Variants in DCLK1 observed in about 807,000 individuals in gnomAD.
DCLK1 encodes serine/threonine-protein kinase DCLK1.
Under a neutral mutation model 86.2 loss-of-function variants are expected in DCLK1, and 16 were observed. The ratio of observed to expected loss-of-function variants is 0.19; its 90% CI spans 0.13 to 0.28. DCLK1 has a LOEUF of 0.28. Among genes scored for constraint, DCLK1 ranks in the 10% least tolerant of loss-of-function variants. The probability of loss-of-function intolerance (pLI) is 1.00; values close to 1 mark genes in which losing one functional copy is unlikely to be tolerated. For synonymous variants in DCLK1, 369 were observed against 370.5 expected (o/e 1.00, Z 0.05); for missense variants, 590 against 940.2 (o/e 0.63, Z 4.87).
chr13:35,980,556 A>G (rs937839484), intron 3 of DCLK1, among the ~76,000 whole-genome samples: 2 of 152,086 alleles, frequency 1.3e-5, no homozygotes, highest in Admixed American at 1.3e-4. Flanking sequence ...AGCCCCTTCT[A>G]CTTTCTGTCT....
intron 16 of DCLK1, among the ~76,000 whole-genome samples, chr13:35,786,091 C>T (rs919892287): frequency 6.6e-6 from 1 of 152,148 alleles, no homozygotes; most frequent in Non-Finnish European, 1.5e-5. Context: ...TGCTCCTGCC[C>T]ATTATTCAGG....
At chr13:36,002,457 T>A (rs1285408301) in intron 3 of DCLK1, among the ~76,000 whole-genome samples, 1 of 152,186 alleles carries the variant, frequency 6.6e-6, no homozygotes, top group Non-Finnish European at 1.5e-5. Context: ...TAACAACAGA[T>A]TTTCTTGGAG....
intron 3 of DCLK1, among the ~76,000 whole-genome samples, chr13:35,957,904 C>T (rs919903196): frequency 3.3e-4 from 6 of 18,028 alleles, no homozygotes; most frequent in East Asian, 1.5e-3. Flanking sequence ...TGATTATTAG[C>T]GTCACCACCA....
At chr13:35,847,647 GA>G (rs1455372837) in intron 6 of DCLK1, 88 of 939,478 alleles carry the variant, frequency 9.4e-5, no homozygotes, top group Non-Finnish European at 1.1e-4. Context: ...AAGAAAGAAA[GA>G]AAGAAAGAAA....
chr13:36,074,240 C>T (rs891166866), intron 3 of DCLK1, among the ~76,000 whole-genome samples: 6 of 151,972 alleles, frequency 3.9e-5, no homozygotes, highest in Non-Finnish European at 5.9e-5. Flanking sequence ...TGGTGGCTCA[C>T]GCCTGTAATC....
chr13:35,872,223 G>T (rs1244694456), intron 4 of DCLK1, among the ~76,000 whole-genome samples: 1 of 152,028 alleles, frequency 6.6e-6, no homozygotes, highest in East Asian at 1.9e-4. Flanking sequence ...AAAATATAAG[G>T]CATATTTTAA....
intron 3 of DCLK1, among the ~76,000 whole-genome samples, chr13:36,086,974 G>C (rs1361338101): frequency 6.6e-6 from 1 of 152,124 alleles, no homozygotes; most frequent in East Asian, 1.9e-4. Flanking sequence ...ATAATCCTTT[G>C]GGTATACACC....
At chr13:36,114,797 A>C (rs919555735) in intron 2 of DCLK1, among the ~76,000 whole-genome samples, 9 of 152,214 alleles carry the variant, frequency 5.9e-5, no homozygotes, top group Non-Finnish European at 1.2e-4. Flanking sequence ...GCTAATTATC[A>C]TCGATTATTA....
chr13:35,957,797 A>C (rs1878080945), intron 3 of DCLK1, among the ~76,000 whole-genome samples: 1 of 152,106 alleles, frequency 6.6e-6, no homozygotes, highest in African/African-American at 2.4e-5. Flanking sequence ...ATATAACTTG[A>C]GATTAAAAGG....
chr13:36,003,675 T>C (rs1157691075), intron 3 of DCLK1, among the ~76,000 whole-genome samples: 1 of 152,154 alleles, frequency 6.6e-6, no homozygotes, highest in East Asian at 1.9e-4. Context: ...GAATATTGAT[T>C]GAAAAACTAC....
chr13:35,938,177 C>T (rs941449690), intron 4 of DCLK1, among the ~76,000 whole-genome samples: 9 of 152,024 alleles, frequency 5.9e-5, no homozygotes, highest in African/African-American at 1.4e-4. Context: ...AAAGAAATAA[C>T]GGAGTTTACA....
At chr13:36,117,142 G>A (rs1237186988) in intron 2 of DCLK1, among the ~76,000 whole-genome samples, 1 of 150,200 alleles carries the variant, frequency 6.7e-6, no homozygotes, top group Non-Finnish European at 1.5e-5. Flanking sequence ...CAAATCCAAA[G>A]CAACAGAAAA....
chr13:36,060,947 C>A (rs1883521115), intron 3 of DCLK1, among the ~76,000 whole-genome samples: 1 of 152,172 alleles, frequency 6.6e-6, no homozygotes, highest in African/African-American at 2.4e-5. Flanking sequence ...GTGATGAATG[C>A]AACACCTGGT....
chr13:35,806,238 G>C (rs1484719918), intron 14 of DCLK1, among the ~76,000 whole-genome samples: 2 of 152,108 alleles, frequency 1.3e-5, no homozygotes, highest in Non-Finnish European at 2.9e-5. Context: ...AGGTTTGAAA[G>C]AAAGGTATGA....
chr13:35,873,791 G>C (rs547927950), intron 4 of DCLK1, among the ~76,000 whole-genome samples: 1 of 152,194 alleles, frequency 6.6e-6, no homozygotes, highest in South Asian at 2.1e-4. Context: ...ACAAATATTG[G>C]ATTTCCTTTC....
chr13:35,814,423 A>G (rs2087222773), intron 11 of DCLK1, among the ~76,000 whole-genome samples: 1 of 152,230 alleles, frequency 6.6e-6, no homozygotes, highest in Non-Finnish European at 1.5e-5. Context: ...TCCTTGGCTT[A>G]GACTGCTCTC....
At chr13:35,830,433 C>T (rs1397677421) in intron 8 of DCLK1, among the ~76,000 whole-genome samples, 1 of 152,042 alleles carries the variant, frequency 6.6e-6, no homozygotes, top group East Asian at 1.9e-4. Flanking sequence ...AAATGATTCA[C>T]GTGTGAAGAG....
intron 3 of DCLK1, among the ~76,000 whole-genome samples, chr13:35,981,329 C>CTT (rs1359286538): frequency 2.6e-5 from 4 of 151,780 alleles, no homozygotes; most frequent in Non-Finnish European, 5.9e-5. Flanking sequence ...AAAATATATA[C>CTT]TTTTTTTAAG....
chr13:35,959,011 G>T (rs1878301649), intron 3 of DCLK1, among the ~76,000 whole-genome samples: 1 of 152,092 alleles, frequency 6.6e-6, no homozygotes, highest in Non-Finnish European at 1.5e-5. Flanking sequence ...ATAAAAAAAA[G>T]TACAGTTCAA....
Sources: allele counts gnomAD v4.1 joint callset (sites outside exome capture counted in the v4.1 genomes callset), GRCh38; gene constraint gnomAD v4.1.1; transcripts MANE v1.5; gene names NCBI Gene and HGNC (gene_info 2026-07-23, HGNC 2026-07-21).